The following MOB1A variants were observed in gnomAD, a reference collection of about 807,000 sequenced individuals.
MOB1A encodes MOB1 Mps One Binder homolog A.
A neutral mutation model predicts 25.1 loss-of-function variants in MOB1A; 10 were observed. That is an observed-to-expected ratio of 0.40 (90% CI 0.25 to 0.68). MOB1A has a LOEUF of 0.68. Among genes scored for constraint, MOB1A ranks in the 30% least tolerant of loss-of-function variants. The pLI, the probability that MOB1A is intolerant of heterozygous loss-of-function variation, is 0.40. For synonymous variants in MOB1A, 81 were observed against 79.5 expected, an observed-to-expected ratio of 1.02 and a Z score of -0.10; for missense variants, 177 against 256.3, an observed-to-expected ratio of 0.69 and a Z score of 2.11.
At position 74,154,727 on chromosome 2, in the gene MOB1A, A is replaced by ATACC. The variant is rs1692755860; in HGVS notation, c.*1837_*1840dup. On this transcript the variant is annotated 3_prime_UTR_variant, in exon 6 of 6. Coordinates refer to ENST00000396049, the MANE Select transcript of MOB1A (RefSeq NM_018221.5). Reference sequence around the variant, plus strand: ...TGAGAGGCAGTTCACATCCTAAGTGATACCTAGAAACCTGCTTTCTTGTTC... The same window carrying ATACC: ...TGAGAGGCAGTTCACATCCTAAGTGATACCTACCTAGAAACCTGCTTTCTTGTTC... The ATACC allele has an allele frequency of 6.6e-6, 1 of 152,248 alleles. No individual in the cohort carries two copies. The highest frequency in any genetic ancestry group is 1.5e-5 in the Non-Finnish European group (1 of 68,048). The allele number at this position is 152,248 out of a possible 1,614,324, so 9.4% of individuals were successfully genotyped here.
chr2:74,176,016 C>T (rs1045274099), intron 1 of MOB1A, among the ~76,000 whole-genome samples: 3 of 150,536 alleles, frequency 2.0e-5, no homozygotes, highest in East Asian at 2.0e-4. Flanking sequence ...GAGGGCAAGG[C>T]GGGTGGATCA....
chr2:74,171,186 G>A (rs1693285078), intron 2 of MOB1A, among the ~76,000 whole-genome samples: 1 of 151,946 alleles, frequency 6.6e-6, no homozygotes, highest in Middle Eastern at 3.2e-3. Context: ...GGAGGCTGAG[G>A]CAGGAGAATT....
At chr2:74,176,297 AAGG>A (rs1693458531) in intron 1 of MOB1A, among the ~76,000 whole-genome samples, 2 of 148,932 alleles carry the variant, frequency 1.3e-5, no homozygotes, top group South Asian at 2.1e-4. Context: ...AAAAAAAAAA[AAGG>A]AGGTAAAAAA....
intron 4 of MOB1A, among the ~76,000 whole-genome samples, chr2:74,160,449 C>A (rs985777172): frequency 6.6e-6 from 1 of 152,156 alleles, no homozygotes; most frequent in African/African-American, 2.4e-5. Flanking sequence ...CTTTGGGAGG[C>A]CGAGGGGGGC....
intron 4 of MOB1A, chr2:74,164,687 G>C (rs908158277): frequency 6.6e-6 from 1 of 151,968 alleles, no homozygotes; most frequent in African/African-American, 2.4e-5. Context: ...GAGACAAAAG[G>C]TAACCCGGGG....
rs1265150197 is a variant in MOB1A at position 74,154,665 on chromosome 2, G to T, written c.*1903C>A. ...AGCTGAGAAACTAGTTTCATCACTT[G>T]TGGACTTAAAAAAGTAAAGCTAACA... On this transcript the variant is annotated 3_prime_UTR_variant, in exon 6 of 6. Coordinates refer to ENST00000396049, the MANE Select transcript of MOB1A (RefSeq NM_018221.5). 2.6e-5 allele frequency: 4 copies of T among 152,196 alleles called. No homozygotes were observed. Among genetic ancestry groups the T allele is most frequent in the Non-Finnish European group, 4.4e-5 (3 of 68,030 alleles). 9.4% of individuals were successfully genotyped at this position (152,196 alleles called of 1,614,324 possible).
intron 4 of MOB1A, 115 bp from the exon 5 acceptor site, chr2:74,159,369 G>A: frequency 2.2e-6 from 2 of 915,132 alleles, no homozygotes; most frequent in Non-Finnish European, 1.7e-6. Context: ...TCAGCTCACT[G>A]CAGCCTCGAC....
At chr2:74,172,475 A>T in intron 2 of MOB1A, 111 bp downstream of exon 2, 1 of 1,020,734 alleles carries the variant, frequency 9.8e-7, no homozygotes, top group Non-Finnish European at 1.4e-6. Context: ...ATGTTTCTTT[A>T]CAGATAATTT....
chr2:74,172,153 G>A (rs1324469992), intron 2 of MOB1A, among the ~76,000 whole-genome samples: 1 of 152,058 alleles, frequency 6.6e-6, no homozygotes, highest in East Asian at 1.9e-4. Context: ...AATTCCCTCT[G>A]CCACTCTAAG....
chr2:74,164,984 C>G, intron 4 of MOB1A: 2 of 241,822 alleles, frequency 8.3e-6, no homozygotes. Flanking sequence ...TTGGCAGTCT[C>G]TACAAGTATA....
intron 4 of MOB1A, among the ~76,000 whole-genome samples, chr2:74,162,028 A>C (rs1281878832): frequency 6.6e-6 from 1 of 152,222 alleles, no homozygotes; most frequent in Non-Finnish European, 1.5e-5. Context: ...CTTTCTAATA[A>C]AAGGATATTA....
rs1176734715 is a variant in MOB1A at position 74,153,076 on chromosome 2, T to C, written c.*3492A>G. 2.6e-5 allele frequency: 4 copies of C among 152,208 alleles called. No homozygotes were observed. Among genetic ancestry groups the C allele is most frequent in the African/African-American group, 9.6e-5 (4 of 41,458 alleles). The allele number at this position is 152,208 out of a possible 1,614,324, so 9.4% of individuals were successfully genotyped here. On this transcript the variant is annotated 3_prime_UTR_variant, in exon 6 of 6. Transcript: ENST00000396049. ...CAATAGTAGAAACTAAATTCCCTTA[T>C]GGATCTCAGGGGGAAATAATGTGCC... is the stretch of plus-strand genomic sequence containing the variant.
Position 74,153,916 on chromosome 2 carries a change from C to T in MOB1A, c.*2652G>A, listed in dbSNP as rs1692727506. 6.6e-6 allele frequency: 1 copy of T among 152,236 alleles called. No homozygotes were observed. The highest frequency in any genetic ancestry group is 2.1e-4 in the South Asian group (1 of 4,816). The allele number at this position is 152,236 out of a possible 1,614,324, so 9.4% of individuals were successfully genotyped here. ...GTGGCTCATGCCTGTAATCCCAACA[C>T]TTTGGGAGGCTGAGGCGGGCGGATT... On this transcript the variant is annotated 3_prime_UTR_variant, in exon 6 of 6. Transcript: ENST00000396049.
intron 4 of MOB1A, among the ~76,000 whole-genome samples, chr2:74,162,926 T>A (rs112886674): frequency 2.6e-5 from 4 of 152,348 alleles, no homozygotes; most frequent in African/African-American, 9.6e-5. Context: ...CTTATGGTCA[T>A]AGGCAACAGA....
At chr2:74,170,951 C>CT (rs1272092256) in intron 2 of MOB1A, among the ~76,000 whole-genome samples, 2 of 151,800 alleles carry the variant, frequency 1.3e-5, no homozygotes, top group African/African-American at 4.8e-5. Flanking sequence ...CTGATTTAAA[C>CT]AAAGCATAGA....
chr2:74,165,085 C>G, intron 4 of MOB1A, 133 bp downstream of exon 4: 1 of 548,082 alleles, frequency 1.8e-6, no homozygotes, highest in Middle Eastern at 5.2e-4. Context: ...TGTGGGAGGC[C>G]AAGGCAGGAG....
intron 4 of MOB1A, among the ~76,000 whole-genome samples, chr2:74,162,388 C>A (rs559803479): frequency 2.0e-5 from 3 of 151,896 alleles, no homozygotes; most frequent in Non-Finnish European, 4.4e-5. Flanking sequence ...GGCTGAGGCA[C>A]GAGAATCGCT....
At position 74,156,437 on chromosome 2, in the gene MOB1A, G is replaced by C. The variant is rs1296262516; in HGVS notation, c.*131C>G. The C allele has an allele frequency of 1.3e-6, 1 of 751,116 alleles. No homozygotes were observed. Among genetic ancestry groups the C allele is most frequent in the Non-Finnish European group, 2.3e-6 (1 of 443,476 alleles). The allele number at this position is 751,116 out of a possible 1,614,324, so 46.5% of individuals were successfully genotyped here. A position where few individuals can be genotyped will look rare whatever the true frequency, so the allele number is the denominator to read the frequency against. On this transcript the variant is annotated 3_prime_UTR_variant, in exon 6 of 6. Transcript: ENST00000396049. ...ACCTACCTTTGGGATAATTTTATCA[G>C]TAGACACAGGCAATGGGTATCTTTT...
At chr2:74,170,958 T>C (rs907589826) in intron 2 of MOB1A, among the ~76,000 whole-genome samples, 7 of 151,832 alleles carry the variant, frequency 4.6e-5, no homozygotes, top group African/African-American at 9.7e-5. Context: ...AAACAAAGCA[T>C]AGATTTTTAA....
Sources: gnomAD v4.1 joint callset for allele counts (sites outside exome capture counted in the v4.1 genomes callset) on GRCh38, gnomAD v4.1.1 for gene constraint, MANE v1.5 for transcripts, NCBI Gene and HGNC (gene_info 2026-07-23, HGNC 2026-07-21) for gene names.